ANKRD50: variants seen among roughly 807,000 people sequenced by gnomAD.
ANKRD50 encodes ankyrin repeat domain-containing protein 50.
In ANKRD50, 40 loss-of-function variants were observed where a neutral mutation model predicts 112.0. That is an observed-to-expected ratio of 0.36 (90% confidence interval 0.28 to 0.46). The LOEUF (loss-of-function observed/expected upper bound fraction) is 0.46, where lower values mean the gene tolerates loss of function less well. Ranked by LOEUF, ANKRD50 falls within the 20% of genes least tolerant of loss-of-function variation. ANKRD50 has a pLI of 1.00. For synonymous variants in ANKRD50, 613 were observed against 619.1 expected, an observed-to-expected ratio of 0.99 and a Z score of 0.15; for missense variants, 1,487 against 1,701.7, an observed-to-expected ratio of 0.87 and a Z score of 2.22.
rs937380982 is a variant in ANKRD50 at position 124,671,453 on chromosome 4, A to T, written c.1824T>A (p.Asp608Glu). The T allele has an allele frequency of 1.9e-6, 3 of 1,613,652 alleles. No homozygotes were observed. Among genetic ancestry groups the T allele is most frequent in the Non-Finnish European group, 2.5e-6 (3 of 1,179,842 alleles). Reference protein sequence around the residue: ...IGCGANINHTDQDGWTALRSA... With the variant: ...IGCGANINHTEQDGWTALRSA... ...ATCTTAATGCTGTCCAACCATCTTG[A>T]TCAGTATGATTAATATTTGCTCCAC... Residue 608 changes from aspartate (D) to glutamate (E), a missense_variant, in exon 4 of 5, where the codon GAT (aspartate) becomes GAA (glutamate). Physicochemically the swap from Asp to Glu is conservative, Grantham distance 45. Around this residue, in one of 2 missense-constraint regions of ANKRD50, gnomAD observed 1,046 missense variants for 1,269.5 expected, o/e 0.82. Transcript: ENST00000504087.
At chr4:124,678,547 G>A (rs527713521) in intron 3 of ANKRD50, 129 bp downstream of exon 3, 35 of 760,132 alleles carry the variant, frequency 4.6e-5, no homozygotes, top group African/African-American at 2.3e-4. Context: ...ATTTCAAAAC[G>A]CACAATTGAG....
Position 124,710,246 on chromosome 4 carries a change from T to C in ANKRD50, c.266A>G (p.Glu89Gly). The C allele has an allele frequency of 6.2e-7, 1 of 1,614,184 alleles. No homozygotes were observed. Among genetic ancestry groups the C allele is most frequent in the Non-Finnish European group, 8.5e-7 (1 of 1,180,030 alleles). ...PGSGKTALCT[E>G]LLWPSSPASL... ...TGCAGGTGAACTTGGCCATAAGAGT[T>C]CAGTACATAGGGCCGTCTTGCCACT... The change falls in exon 2 of 5, where the codon GAA becomes GGA. Residue 89 changes from glutamate to glycine, a missense_variant. Transcript: ENST00000504087.
rs766765452 is a variant in ANKRD50 at position 124,672,359 on chromosome 4, T to G, written c.918A>C (p.Leu306=). ...HIKSSGCFLY[L]ERVLDGVVEN... is the part of the protein sequence containing the mutation. ...CTACAACTCCATCTAAAACTCGTTCTAGGTAAAGAAAGCATCCACTGCTTT... is the reference window on the plus strand; with the variant it reads ...CTACAACTCCATCTAAAACTCGTTCGAGGTAAAGAAAGCATCCACTGCTTT... Residue 306 remains leucine, a synonymous_variant, in exon 4 of 5, where the codon CTA becomes CTC. Coordinates refer to ENST00000504087, the MANE Select transcript of ANKRD50 (RefSeq NM_020337.3). The G allele has an allele frequency of 3.1e-6, 5 of 1,613,184 alleles. No homozygotes were observed. In the African/African-American group the frequency reaches 6.7e-5, roughly 22 times the overall value.
In ANKRD50 at chr4:124,670,560, A is replaced by G. The variant is rs748306179; in HGVS notation, c.2717T>C (p.Ile906Thr). 6.2e-7 allele frequency: 1 copy of G among 1,613,232 alleles called. No homozygotes were observed. The highest frequency in any genetic ancestry group is 1.1e-5 in the South Asian group (1 of 90,862). ...TCTTCCATCATAACCTCTTTGATCA[A>G]TGTTGGATTTGTTTTCCAGTAATAT... The part of the protein sequence containing the change: ...VQILLENKSN[I>T]DQRGYDGRNA... The change falls in exon 4 of 5, where the codon ATT becomes ACT. Residue 906 changes from isoleucine to threonine, a missense_variant. Ile to Thr is a moderately conservative substitution (Grantham distance 89). Transcript: ENST00000504087.
At chr4:124,688,930 T>C (rs578233806) in intron 2 of ANKRD50, among the ~76,000 whole-genome samples, 11 of 152,254 alleles carry the variant, frequency 7.2e-5, no homozygotes, top group Admixed American at 5.9e-4. Flanking sequence ...CACTCCTCAC[T>C]TCAAGGTTTT....
In ANKRD50 at chr4:124,678,598, A is replaced by G. The variant is rs1724797143; in HGVS notation, c.742+78T>C. The G allele has an allele frequency of 2.3e-6, 3 of 1,319,568 alleles. No homozygotes were observed. In the African/African-American group the frequency reaches 4.4e-5, roughly 19 times the overall value. 81.7% of individuals were successfully genotyped at this position (1,319,568 alleles called of 1,614,324 possible). A position where few individuals can be genotyped will look rare whatever the true frequency, so the allele number is the denominator to read the frequency against. On this transcript the variant is annotated intron_variant, in intron 3 of 4. Coordinates refer to ENST00000504087, the MANE Select transcript of ANKRD50 (RefSeq NM_020337.3). ...GAGCAAATGCAACACGCAGATGTTC[A>G]ACTGCATACTTTTTCCTCTAAGAAA...
At position 124,672,474 on chromosome 4, in the gene ANKRD50, T is replaced by A. The variant is rs1432719208; in HGVS notation, c.803A>T (p.Gln268Leu). The A allele has an allele frequency of 6.2e-7, 1 of 1,610,600 alleles. No homozygotes were observed. The highest frequency in any genetic ancestry group is 1.7e-5 in the Admixed American group (1 of 59,354). The change falls in exon 4 of 5, where the codon CAG becomes CTG. Residue 268 changes from glutamine (Q) to leucine (L), a missense_variant. Physicochemically the swap from Gln to Leu is moderately radical, Grantham distance 113 (BLOSUM62 -2). Transcript: ENST00000504087. Reference sequence around the variant, plus strand: ...TTGATCTAAACGATGAAGAATGTACTGCTGAACATCCTTGACGATATATGC... The same window carrying A: ...TTGATCTAAACGATGAAGAATGTACAGCTGAACATCCTTGACGATATATGC... ...RKAYIVKDVQ[Q>L]YILHRLDQEE...
intron 2 of ANKRD50, among the ~76,000 whole-genome samples, chr4:124,687,836 G>A (rs529543623): frequency 6.6e-6 from 1 of 152,168 alleles, no homozygotes; most frequent in Non-Finnish European, 1.5e-5. Context: ...TATTAGAATT[G>A]TGCAAATAAG....
chr4:124,687,331 A>C (rs928686379), intron 2 of ANKRD50, among the ~76,000 whole-genome samples: 2 of 152,174 alleles, frequency 1.3e-5, no homozygotes, highest in Admixed American at 6.5e-5. Flanking sequence ...GGATGCCCAA[A>C]TGCAAAAAAG....
intron 2 of ANKRD50, among the ~76,000 whole-genome samples, chr4:124,704,213 G>A (rs1725455532): frequency 6.6e-6 from 1 of 151,976 alleles, no homozygotes; most frequent in Non-Finnish European, 1.5e-5. Context: ...AATAGTAATG[G>A]GACTTTAGAA....
chr4:124,693,303 A>G (rs1046071275), intron 2 of ANKRD50, among the ~76,000 whole-genome samples: 3 of 152,166 alleles, frequency 2.0e-5, no homozygotes, highest in African/African-American at 7.2e-5. Flanking sequence ...CACTTTCCTG[A>G]GGGTATTAAA....
chr4:124,704,251 AATAG>A (rs1725456306), intron 2 of ANKRD50, among the ~76,000 whole-genome samples: 2 of 152,254 alleles, frequency 1.3e-5, no homozygotes, highest in Admixed American at 6.5e-5. Context: ...AATACTTAAG[AATAG>A]ATAATGACAG....
At chr4:124,701,279 C>T (rs961544540) in intron 2 of ANKRD50, among the ~76,000 whole-genome samples, 4 of 152,060 alleles carry the variant, frequency 2.6e-5, no homozygotes, top group Admixed American at 6.6e-5. Context: ...TACACTTTTC[C>T]TCTAGTGAAA....
Position 124,710,141 on chromosome 4 carries a change from C to T in ANKRD50, c.371G>A (p.Gly124Glu). 6.2e-7 allele frequency: 1 copy of T among 1,614,198 alleles called. No individual in the cohort carries two copies. The highest frequency in any genetic ancestry group is 1.6e-4 in the Middle Eastern group (1 of 6,062). ...KAQDSDTLCV[G>E]GFIRGLVAQI... Reference sequence around the variant, plus strand: ...GGCTACTAGACCTCTAATAAACCCTCCAACACACAAAGTATCAGAGTCCTG... The same window carrying T: ...GGCTACTAGACCTCTAATAAACCCTTCAACACACAAAGTATCAGAGTCCTG... Residue 124 changes from glycine (G) to glutamate (E), a missense_variant, in exon 2 of 5, where the codon GGA becomes GAA. By Grantham distance (98) the Gly-to-Glu change is moderately conservative. This residue lies in a region of ANKRD50 where 1,046 missense variants were observed against 1,269.5 expected (regional missense o/e 0.82). Coordinates refer to ENST00000504087, the MANE Select transcript of ANKRD50 (RefSeq NM_020337.3).
intron 2 of ANKRD50, among the ~76,000 whole-genome samples, chr4:124,691,182 G>A (rs1197198363): frequency 1.3e-5 from 2 of 152,118 alleles, no homozygotes; most frequent in African/African-American, 2.4e-5. Flanking sequence ...GCACTTGTTT[G>A]TTATCCATTG....
chr4:124,695,032 A>T (rs1725222068), intron 2 of ANKRD50, among the ~76,000 whole-genome samples: 1 of 151,712 alleles, frequency 6.6e-6, no homozygotes, highest in Admixed American at 6.6e-5. Context: ...TAATTTTTTT[A>T]AAAAGAAATT....
intron 2 of ANKRD50, among the ~76,000 whole-genome samples, chr4:124,691,936 T>G (rs1725147395): frequency 6.6e-6 from 1 of 152,182 alleles, no homozygotes; most frequent in Admixed American, 6.5e-5. Flanking sequence ...GTCTGAAACT[T>G]TTTGAGCACT....
Position 124,712,724 on chromosome 4 carries a change from G to C in ANKRD50, c.-1030C>G, listed in dbSNP as rs533367054. Reference sequence around the variant, plus strand: ...AACCGCCGCCGCCGCCGCCGTCAGGGCAGTAACTGTCTCAGGCAGCCCCCG... The same window carrying C: ...AACCGCCGCCGCCGCCGCCGTCAGGCCAGTAACTGTCTCAGGCAGCCCCCG... On this transcript the variant is annotated 5_prime_UTR_variant, in exon 1 of 5. Coordinates refer to ENST00000504087, the MANE Select transcript of ANKRD50 (RefSeq NM_020337.3). 6.4e-6 allele frequency: 1 copy of C among 156,840 alleles called. No homozygotes were observed. Among genetic ancestry groups the C allele is most frequent in the African/African-American group, 2.4e-5 (1 of 41,154 alleles). 9.7% of individuals were successfully genotyped at this position (156,840 alleles called of 1,614,324 possible). A position where few individuals can be genotyped will look rare whatever the true frequency, so the allele number is the denominator to read the frequency against.
chr4:124,671,228 T>C lies in ANKRD50; in HGVS notation c.2049A>G (p.Ala683=). 1 of 1,613,930 alleles carries C rather than the reference T, an allele frequency of 6.2e-7. No individual in the cohort carries two copies. The highest frequency in any genetic ancestry group is 2.2e-5 in the East Asian group (1 of 44,868). ...ADNEGRTALI[A]AAYMGHREIV... is the part of the protein sequence containing the mutation. ...TCTCTCTATGTCCCATGTATGCTGCTGCTATCAAAGCAGTTCTACCTTCAT... is the reference window on the plus strand; with the variant it reads ...TCTCTCTATGTCCCATGTATGCTGCCGCTATCAAAGCAGTTCTACCTTCAT... The change falls in exon 4 of 5, where the codon GCA becomes GCG. Residue 683 remains alanine (A), a synonymous_variant. Coordinates refer to ENST00000504087, the MANE Select transcript of ANKRD50 (RefSeq NM_020337.3).
Sources: gnomAD v4.1 joint callset for allele counts (sites outside exome capture counted in the v4.1 genomes callset) on GRCh38, gnomAD v4.1.1 for gene constraint, gnomAD v4.1.1 regional missense constraint, MANE v1.5 for transcripts, NCBI Gene and HGNC (gene_info 2026-07-23, HGNC 2026-07-21) for gene names.